Variants in PDGFRL observed in about 807,000 individuals in gnomAD.
The protein encoded by PDGFRL is platelet derived growth factor receptor like.
A neutral mutation model predicts 37.2 loss-of-function variants in PDGFRL; 46 were observed. The observed-to-expected ratio is 1.24, with a 90% CI of 0.98 to 1.58. The LOEUF (loss-of-function observed/expected upper bound fraction) is 1.58. Ranked by LOEUF, PDGFRL falls within the 40% of genes most tolerant of loss-of-function variation. PDGFRL has a pLI of 0.00. For synonymous variants in PDGFRL, 251 were observed against 184.3 expected, an observed-to-expected ratio of 1.36 and a Z score of -2.93; for missense variants, 692 against 467.6, an observed-to-expected ratio of 1.48 and a Z score of -4.43.
At chr8:17,590,350 G>A (rs1307928438) in intron 2 of PDGFRL, among the ~76,000 whole-genome samples, 1 of 151,722 alleles carries the variant, frequency 6.6e-6, no homozygotes, top group East Asian at 2.0e-4. Context: ...AATGTATGAT[G>A]TGTGGAATTT....
At chr8:17,613,776 G>C (rs1486063745) in intron 2 of PDGFRL, among the ~76,000 whole-genome samples, 1 of 152,166 alleles carries the variant, frequency 6.6e-6, no homozygotes, top group Non-Finnish European at 1.5e-5. Context: ...CTACTCAGAA[G>C]GCTGAGGTGG....
chr8:17,609,723 G>C (rs1217950045), intron 2 of PDGFRL, among the ~76,000 whole-genome samples: 1 of 150,250 alleles, frequency 6.7e-6, no homozygotes, highest in Non-Finnish European at 1.5e-5. Context: ...ATGCAGCCAG[G>C]TTGGAGAACC....
chr8:17,593,546 CGTG>C (rs1803987669), intron 2 of PDGFRL, among the ~76,000 whole-genome samples: 1 of 150,138 alleles, frequency 6.7e-6, no homozygotes. Context: ...TGCAGTGAGC[CGTG>C]ATCATACCAC....
intron 2 of PDGFRL, among the ~76,000 whole-genome samples, chr8:17,591,277 A>T (rs1177239156): frequency 1.3e-5 from 2 of 152,154 alleles, no homozygotes; most frequent in Admixed American, 1.3e-4. Context: ...TTGAATGAGT[A>T]CCTTCAGGAG....
rs573762035 is a variant in PDGFRL at position 17,642,482 on chromosome 8, G to A, written c.940-131G>A. The A allele has an allele frequency of 5.5e-5, 36 of 654,786 alleles. 2 individuals are homozygous for A. Among genetic ancestry groups the A allele is most frequent in the South Asian group, 3.6e-4 (20 of 56,104 alleles). The allele number at this position is 654,786 out of a possible 1,614,324, so 40.6% of individuals were successfully genotyped here. Reference sequence around the variant, plus strand: ...GAAGCTTCCACAGCTTATGAGCTACGCATACTAAACAGTCTTTTATAAGCA... The same window carrying A: ...GAAGCTTCCACAGCTTATGAGCTACACATACTAAACAGTCTTTTATAAGCA... On this transcript the variant is annotated intron_variant, in intron 5 of 5. Coordinates refer to ENST00000251630, the MANE Select transcript of PDGFRL (RefSeq NM_001372073.1).
chr8:17,592,916 G>GCACA (rs140137425), intron 2 of PDGFRL, among the ~76,000 whole-genome samples: 1,089 of 29,532 alleles, frequency 0.037, 10 homozygotes, highest in South Asian at 0.19. Flanking sequence ...CCACATACAT[G>GCACA]CACACACACA....
At chr8:17,620,781 G>A (rs1585324650) in intron 2 of PDGFRL, among the ~76,000 whole-genome samples, 1 of 151,868 alleles carries the variant, frequency 6.6e-6, no homozygotes, top group Non-Finnish European at 1.5e-5. Flanking sequence ...AATCCATCAT[G>A]TTGCTCAAAT....
Position 17,609,727 on chromosome 8 carries a change from G to A in PDGFRL, c.354-11324G>A, listed in dbSNP as rs1804367387. Among the ~76,000 whole-genome samples the A allele has an allele frequency of 2.0e-5, 3 of 150,482 alleles. No individual in the cohort carries two copies. The South Asian group carries it at 6.3e-4, about 32-fold the overall frequency. ...AAGATTGTGATATGCAGCCAGGTTG[G>A]AGAACCACTGATGTGGCTTGAACCC... On this transcript the variant is annotated intron_variant, in intron 2 of 5. Coordinates refer to ENST00000251630, the MANE Select transcript of PDGFRL (RefSeq NM_001372073.1).
chr8:17,615,428 CCT>C (rs1275762154), intron 2 of PDGFRL, among the ~76,000 whole-genome samples: 1 of 151,992 alleles, frequency 6.6e-6, no homozygotes. Flanking sequence ...AAATCCATGC[CCT>C]CTTAATTTAT....
At position 17,634,219 on chromosome 8, in the gene PDGFRL, T is replaced by C; in HGVS notation, c.939+6T>C. ...GGATCTTCCCAGGGCAGAAGGTAAG[T>C]GTTGTACCTGCATCTCAGCCCCTGC... is the stretch of plus-strand genomic sequence containing the variant. On this transcript the variant is annotated splice_donor_region_variant and intron_variant, in intron 5 of 5. Coordinates refer to ENST00000251630, the MANE Select transcript of PDGFRL (RefSeq NM_001372073.1). 1 of 1,602,108 alleles carries C rather than the reference T, an allele frequency of 6.2e-7. No individual in the cohort carries two copies. The highest frequency in any genetic ancestry group is 8.5e-7 in the Non-Finnish European group (1 of 1,172,214).
intron 2 of PDGFRL, among the ~76,000 whole-genome samples, chr8:17,603,286 C>T (rs1804204851): frequency 6.6e-6 from 1 of 152,166 alleles, no homozygotes; most frequent in African/African-American, 2.4e-5. Context: ...CACGCCCAGC[C>T]CAACAAACAC....
At chr8:17,591,929 G>GA (rs1803949288) in intron 2 of PDGFRL, among the ~76,000 whole-genome samples, 1 of 152,092 alleles carries the variant, frequency 6.6e-6, no homozygotes, top group Non-Finnish European at 1.5e-5. Context: ...AAGAAACAAA[G>GA]AAAGAAAGGC....
rs150165686 is a variant in PDGFRL at position 17,592,573 on chromosome 8, C to T, written c.353+2808C>T. Among the ~76,000 whole-genome samples, 149 of 152,304 alleles carry T rather than the reference C, an allele frequency of 9.8e-4. 1 individual carries two copies. The East Asian group carries it at 0.027, about 27-fold the overall frequency. On this transcript the variant is annotated intron_variant, in intron 2 of 5. Coordinates refer to ENST00000251630, the MANE Select transcript of PDGFRL (RefSeq NM_001372073.1). ...TAATCTCGATCAGACACTCTGCTTT[C>T]GCTGCCCTGGGCTCCTGTGAGATTC...
chr8:17,607,716 C>G (rs1288857811), intron 2 of PDGFRL, among the ~76,000 whole-genome samples: 1 of 152,092 alleles, frequency 6.6e-6, no homozygotes, highest in African/African-American at 2.4e-5. Context: ...ATTTAATGCT[C>G]AAATGTAAAC....
At chr8:17,592,529 C>T (rs548122296) in intron 2 of PDGFRL, among the ~76,000 whole-genome samples, 2 of 152,308 alleles carry the variant, frequency 1.3e-5, no homozygotes, top group South Asian at 2.1e-4. Context: ...TGACCTCTGC[C>T]GTCCTCTGGA....
At chr8:17,612,369 T>C (rs1185339723) in intron 2 of PDGFRL, among the ~76,000 whole-genome samples, 1 of 152,022 alleles carries the variant, frequency 6.6e-6, no homozygotes, top group East Asian at 1.9e-4. Context: ...TCTCCTCTCT[T>C]CTCCTCTCTT....
intron 4 of PDGFRL, among the ~76,000 whole-genome samples, chr8:17,632,157 C>G (rs1020139843): frequency 1.3e-5 from 2 of 152,200 alleles, no homozygotes; most frequent in African/African-American, 4.8e-5. Context: ...AGCTAACCTC[C>G]CTCCTCCTCC....
chr8:17,577,228 C>G lies in PDGFRL; in HGVS notation c.-25C>G. Reference sequence around the variant, plus strand: ...GCCCCGCGCAGCCGCCGCGCTCCTGCGCTCCGAGGTCCGAGGTTCCCGAGA... The same window carrying G: ...GCCCCGCGCAGCCGCCGCGCTCCTGGGCTCCGAGGTCCGAGGTTCCCGAGA... On this transcript the variant is annotated 5_prime_UTR_variant, in exon 1 of 6. Coordinates refer to ENST00000251630, the MANE Select transcript of PDGFRL (RefSeq NM_001372073.1). 6.2e-7 allele frequency: 1 copy of G among 1,609,230 alleles called. No homozygotes were observed. Among genetic ancestry groups the G allele is most frequent in the Non-Finnish European group, 8.5e-7 (1 of 1,178,096 alleles).
In PDGFRL at chr8:17,626,231, A is replaced by C. The variant is rs60404732; in HGVS notation, c.506-2256A>C. Among the ~76,000 whole-genome samples, 4 of 152,354 alleles carry C rather than the reference A, an allele frequency of 2.6e-5. No homozygotes were observed. In the East Asian group the frequency reaches 7.7e-4, roughly 29 times the overall value. On this transcript the variant is annotated intron_variant, in intron 3 of 5. Coordinates refer to ENST00000251630, the MANE Select transcript of PDGFRL (RefSeq NM_001372073.1). ...GGACATTGAAGCATGAGGAAATAAA[A>C]TAATGCCTTTGAGGCCATGTAGATG...
Sources: gnomAD v4.1 joint callset for allele counts (sites outside exome capture counted in the v4.1 genomes callset) on GRCh38, gnomAD v4.1.1 for gene constraint, MANE v1.5 for transcripts, NCBI Gene and HGNC (gene_info 2026-07-23, HGNC 2026-07-21) for gene names.